Variants in CNDP1 observed in about 807,000 individuals in gnomAD.
The protein encoded by CNDP1 is carnosine dipeptidase 1, also known as beta-Ala-His dipeptidase.
CNDP1 carries 44 observed loss-of-function variants against 58.1 expected under a neutral mutation model. The observed-to-expected ratio is 0.76, with a 90% confidence interval of 0.60 to 0.97. The LOEUF (loss-of-function observed/expected upper bound fraction) is 0.97, where lower values mean the gene tolerates loss of function less well. Among genes scored for constraint, CNDP1 ranks in the 50% least tolerant of loss-of-function variants. The probability of loss-of-function intolerance (pLI) is 0.00; values close to 1 mark genes in which losing one functional copy is unlikely to be tolerated. For synonymous variants in CNDP1, 254 were observed against 252.6 expected (o/e 1.01, Z -0.05); for missense variants, 616 against 655.1 (o/e 0.94, Z 0.65).
chr18:74,570,228 T>A (rs1222505810), intron 6 of CNDP1, among the ~76,000 whole-genome samples: 1 of 92,532 alleles, frequency 1.1e-5, no homozygotes, highest in African/African-American at 5.3e-5. Context: ...TTAATAATAA[T>A]AATAATAAAT....
At position 74,587,103 on chromosome 18, in the gene CNDP1, G is replaced by A. The variant is rs904232278; in HGVS notation, c.*2541G>A. On this transcript the variant is annotated 3_prime_UTR_variant, in exon 12 of 12. Transcript: ENST00000358821. ...CGTAACTATTGTGATAAGTTTAGGG[G>A]TTAGGAATATCATTTGAGTTTGGTA... The A allele has an allele frequency of 6.6e-6, 1 of 152,214 alleles. No individual in the cohort carries two copies. The highest frequency in any genetic ancestry group is 1.5e-5 in the Non-Finnish European group (1 of 68,038). The allele number at this position is 152,214 out of a possible 1,614,324, so 9.4% of individuals were successfully genotyped here.
chr18:74,575,140 GAAGA>G (rs906388770), intron 7 of CNDP1, among the ~76,000 whole-genome samples: 12 of 151,966 alleles, frequency 7.9e-5, no homozygotes, highest in African/African-American at 7.2e-5. Context: ...AAAAAAGAAA[GAAGA>G]AAGAAAGAGA....
intron 1 of CNDP1, among the ~76,000 whole-genome samples, chr18:74,539,288 G>T (rs1435515578): frequency 6.6e-6 from 1 of 152,034 alleles, no homozygotes; most frequent in African/African-American, 2.4e-5. Flanking sequence ...AACTTACGAC[G>T]GAAGGATGCA....
At chr18:74,578,348 C>T (rs372369724) in intron 9 of CNDP1, 21 bp downstream of exon 9, 46 of 1,586,236 alleles carry the variant, frequency 2.9e-5, no homozygotes, top group Middle Eastern at 3.4e-4. Context: ...CTTATTGTGA[C>T]AATAACATGT....
chr18:74,559,280 T>C, intron 2 of CNDP1, 43 bp from the exon 3 acceptor site: 2 of 1,610,586 alleles, frequency 1.2e-6, no homozygotes, highest in Non-Finnish European at 1.7e-6. Context: ...GCAGAGCAGA[T>C]GTGGGACCCC....
At chr18:74,573,303 C>T (rs1053358161) in intron 7 of CNDP1, among the ~76,000 whole-genome samples, 3 of 151,876 alleles carry the variant, frequency 2.0e-5, no homozygotes, top group African/African-American at 7.3e-5. Flanking sequence ...TCTATCCATT[C>T]ATCCATCTAT....
intron 1 of CNDP1, among the ~76,000 whole-genome samples, chr18:74,537,783 C>G (rs1166869990): frequency 1.3e-5 from 2 of 152,200 alleles, no homozygotes; most frequent in African/African-American, 4.8e-5. Context: ...GACCAGGAAG[C>G]TCCTCTGGGG....
At chr18:74,552,090 T>C (rs180966229) in intron 1 of CNDP1, among the ~76,000 whole-genome samples, 1 of 152,332 alleles carries the variant, frequency 6.6e-6, no homozygotes, top group East Asian at 1.9e-4. Context: ...GGATCTGGCT[T>C]CAGCCTTCTG....
intron 11 of CNDP1, 138 bp downstream of exon 11, chr18:74,583,846 C>A (rs987574238): frequency 2.4e-6 from 2 of 843,128 alleles, no homozygotes; most frequent in East Asian, 2.6e-5. Context: ...AACAGACATT[C>A]ATTCCTCACA....
chr18:74,564,393 C>G (rs1401275061), intron 5 of CNDP1, among the ~76,000 whole-genome samples: 1 of 152,098 alleles, frequency 6.6e-6, no homozygotes, highest in African/African-American at 2.4e-5. Context: ...CTAGTCCATG[C>G]CCTAATATTA....
chr18:74,553,683 CT>C (rs1257513547), intron 1 of CNDP1, among the ~76,000 whole-genome samples: 1 of 152,136 alleles, frequency 6.6e-6, no homozygotes, highest in Non-Finnish European at 1.5e-5. Context: ...TCACAATTTC[CT>C]CTCGATTATT....
chr18:74,558,335 C>T (rs1276808219), intron 2 of CNDP1, among the ~76,000 whole-genome samples: 5 of 151,666 alleles, frequency 3.3e-5, no homozygotes, highest in East Asian at 1.9e-4. Context: ...ACTGTGCACA[C>T]GTTACCTCAG....
intron 1 of CNDP1, among the ~76,000 whole-genome samples, chr18:74,553,741 C>T (rs1034272374): frequency 6.6e-6 from 1 of 152,180 alleles, no homozygotes; most frequent in African/African-American, 2.4e-5. Context: ...ATACATTCTC[C>T]TACTTCAAAA....
intron 6 of CNDP1, among the ~76,000 whole-genome samples, chr18:74,570,234 T>TAATAATAATAAA (rs1568298355): frequency 2.7e-4 from 23 of 83,812 alleles, no homozygotes; most frequent in African/African-American, 1.1e-3. Flanking sequence ...ATAATAATAA[T>TAATAATAATAAA]AAATAATTAA....
At chr18:74,559,589 C>G in intron 3 of CNDP1, 117 bp downstream of exon 3, 1 of 865,366 alleles carries the variant, frequency 1.2e-6, no homozygotes, top group Non-Finnish European at 1.7e-6. Flanking sequence ...CCCCATAACC[C>G]CAATTCCCAA....
At position 74,580,290 on chromosome 18, in the gene CNDP1, C is replaced by G; in HGVS notation, c.1309+19C>G. On this transcript the variant is annotated intron_variant, in intron 10 of 11. Transcript: ENST00000358821. The stretch of plus-strand genomic sequence containing the variant: ...AGAACAGGTGGGACCTTAAGATCTT[C>G]TGACTGGCCAATCTGCACTGGGACT... The G allele has an allele frequency of 6.2e-7, 1 of 1,613,368 alleles. No individual in the cohort carries two copies. Among genetic ancestry groups the G allele is most frequent in the Non-Finnish European group, 8.5e-7 (1 of 1,179,346 alleles).
rs142662230 is a variant in CNDP1 at position 74,562,062 on chromosome 18, G to C, written c.482G>C (p.Arg161Pro). 2.1e-4 allele frequency: 337 copies of C among 1,613,870 alleles called. No homozygotes were observed. The highest frequency in any genetic ancestry group is 2.7e-4 in the Non-Finnish European group (317 of 1,179,938). ...CTTTTTAAAGGGAAACTTTATGGAC[G>C]AGGAGCGACCGACAACAAAGGCCCT... Reference protein sequence around the residue: ...LTEVDGKLYGRGATDNKGPVL... With the variant: ...LTEVDGKLYGPGATDNKGPVL... Residue 161 changes from arginine (R) to proline (P), a missense_variant, in exon 5 of 12, where the codon CGA (arginine) becomes CCA (proline). By Grantham distance (103) the Arg-to-Pro change is moderately radical. Coordinates refer to ENST00000358821, the MANE Select transcript of CNDP1 (RefSeq NM_032649.6).
intron 1 of CNDP1, among the ~76,000 whole-genome samples, chr18:74,551,931 A>C (rs76248605): frequency 0.011 from 1,622 of 151,864 alleles, 28 homozygotes; most frequent in African/African-American, 0.035. Flanking sequence ...CAAAAAAAAA[A>C]CCAGTAGCCA....
rs551407268 is a variant in CNDP1 at position 74,547,319 on chromosome 18, G to A, written c.25-9019G>A. 1.1e-4 allele frequency among the ~76,000 whole-genome samples: 16 copies of A among 152,284 alleles called. No homozygotes were observed. The South Asian group carries it at 3.1e-3, about 30-fold the overall frequency. On this transcript the variant is annotated intron_variant, in intron 1 of 11. Transcript: ENST00000358821. ...ATTCTCGGCTTCCAGGATGACTGAC[G>A]GTCACTGAGGTTTCTTCCCCTGAAC... is the stretch of plus-strand genomic sequence containing the variant.
Sources: gnomAD v4.1 joint callset for allele counts (sites outside exome capture counted in the v4.1 genomes callset) on GRCh38, gnomAD v4.1.1 for gene constraint, MANE v1.5 for transcripts, NCBI Gene and HGNC (gene_info 2026-07-23, HGNC 2026-07-21) for gene names.